Variants in GABRB3 observed in about 807,000 individuals in gnomAD.
The protein encoded by GABRB3 is gamma-aminobutyric acid type A receptor subunit beta3.
GABRB3 carries 14 observed loss-of-function variants against 52.1 expected under a neutral mutation model. The observed-to-expected ratio is 0.27, with a 90% CI of 0.18 to 0.42. GABRB3 has a LOEUF of 0.42. Among genes scored for constraint, GABRB3 ranks in the 10% least tolerant of loss-of-function variants. The pLI is 1.00. For missense variants in GABRB3, 307 were observed against 609.1 expected (o/e 0.50, Z 5.22); for synonymous variants, 260 against 232.3 (o/e 1.12, Z -1.08).
intron 8 of GABRB3, among the ~76,000 whole-genome samples, chr15:26,557,273 T>A (rs895779396): frequency 6.6e-6 from 1 of 152,046 alleles, no homozygotes; most frequent in East Asian, 1.9e-4. Context: ...AGGGACCCCT[T>A]GAGTGTGAAG....
rs114227170 is a variant in GABRB3 at position 26,644,178 on chromosome 15, G to T, written c.241-22644C>A. On this transcript the variant is annotated intron_variant, in intron 3 of 8. Transcript: ENST00000311550. ...ACAGATTTTTGGTTTTATTTGGAAA[G>T]CCTTGAGAAGATACTGCACATTTTT... is the stretch of plus-strand genomic sequence containing the variant. 8.9e-3 allele frequency among the ~76,000 whole-genome samples: 1,362 copies of T among 152,294 alleles called. 26 individuals carry two copies. The highest frequency in any genetic ancestry group is 0.032 in the African/African-American group (1,313 of 41,556).
At chr15:26,609,083 T>TACACACAC (rs146501591) in intron 4 of GABRB3, among the ~76,000 whole-genome samples, 11 of 143,544 alleles carry the variant, frequency 7.7e-5, no homozygotes, top group African/African-American at 2.9e-4. Context: ...TTTTTAATGA[T>TACACACAC]ACACACACAC....
intron 3 of GABRB3, among the ~76,000 whole-genome samples, chr15:26,714,015 C>T (rs538684099): frequency 2.0e-5 from 3 of 152,226 alleles, no homozygotes; most frequent in East Asian, 1.9e-4. Context: ...GACTCTGACC[C>T]GGAAGGAAAC....
At chr15:26,628,980 T>G (rs747536305) in intron 3 of GABRB3, 1 of 1,536,152 alleles carries the variant, frequency 6.5e-7, no homozygotes, top group Non-Finnish European at 8.7e-7. Context: ...CTTTTACCTC[T>G]TCTGTCTGGT....
At chr15:26,665,960 TA>T (rs1402603523) in intron 3 of GABRB3, among the ~76,000 whole-genome samples, 2 of 152,178 alleles carry the variant, frequency 1.3e-5, no homozygotes, top group Non-Finnish European at 2.9e-5. Flanking sequence ...CAAGTAGGTT[TA>T]CAAGTATAAA....
At chr15:26,668,908 C>T (rs901614707) in intron 3 of GABRB3, among the ~76,000 whole-genome samples, 1 of 152,118 alleles carries the variant, frequency 6.6e-6, no homozygotes, top group African/African-American at 2.4e-5. Context: ...TGAACATATT[C>T]CCTGCAGGGT....
intron 4 of GABRB3, among the ~76,000 whole-genome samples, chr15:26,602,399 G>C (rs539401595): frequency 3.2e-4 from 49 of 152,202 alleles, no homozygotes; most frequent in African/African-American, 1.1e-3. Context: ...CTGCACTATA[G>C]AACAAAGATG....
chr15:26,614,542 T>C (rs1892188101), intron 4 of GABRB3: 1 of 152,132 alleles, frequency 6.6e-6, no homozygotes, highest in South Asian at 2.1e-4. Flanking sequence ...TGGTAAGAAA[T>C]TTATCAATAT....
chr15:26,634,090 GCTT>G (rs1223320225), intron 3 of GABRB3, among the ~76,000 whole-genome samples: 1 of 152,084 alleles, frequency 6.6e-6, no homozygotes, highest in Admixed American at 6.5e-5. Context: ...TGGAGAGGTT[GCTT>G]CTTCTCCCAA....
intron 3 of GABRB3, among the ~76,000 whole-genome samples, chr15:26,724,385 A>G (rs1889718373): frequency 6.6e-6 from 1 of 152,210 alleles, no homozygotes; most frequent in Admixed American, 6.5e-5. Flanking sequence ...ATGCAAGGTC[A>G]GAAATGCCTC....
intron 3 of GABRB3, chr15:26,625,499 T>C: frequency 1.0e-6 from 1 of 985,230 alleles, no homozygotes; most frequent in Non-Finnish European, 1.2e-6. Context: ...TTGCATGGGA[T>C]GGAGAGTCTG....
At chr15:26,568,157 C>T (rs1383785483) in intron 6 of GABRB3, among the ~76,000 whole-genome samples, 1 of 152,184 alleles carries the variant, frequency 6.6e-6, no homozygotes, top group Non-Finnish European at 1.5e-5. Context: ...GAGTTCAGCC[C>T]TGAATACAGA....
intron 3 of GABRB3, among the ~76,000 whole-genome samples, chr15:26,630,757 A>T (rs1172269102): frequency 6.6e-6 from 1 of 152,210 alleles, no homozygotes; most frequent in Non-Finnish European, 1.5e-5. Flanking sequence ...TCCACAGAAA[A>T]TACAATCTCT....
chr15:26,634,692 C>G (rs1263423312), intron 3 of GABRB3, among the ~76,000 whole-genome samples: 4 of 151,868 alleles, frequency 2.6e-5, no homozygotes, highest in Admixed American at 1.3e-4. Context: ...TATAAGGGAG[C>G]AGATGTTCCA....
At chr15:26,686,427 G>A (rs1888407898) in intron 3 of GABRB3, among the ~76,000 whole-genome samples, 2 of 152,176 alleles carry the variant, frequency 1.3e-5, no homozygotes, top group Non-Finnish European at 2.9e-5. Context: ...CCCTCACAAA[G>A]TGATACTGAT....
intron 5 of GABRB3, chr15:26,581,211 C>T (rs2140732446): frequency 6.5e-6 from 1 of 154,034 alleles, no homozygotes; most frequent in Non-Finnish European, 1.4e-5. Flanking sequence ...CAGGAGTCTC[C>T]TAAAACATTA....
At chr15:26,756,405 T>TA (rs559330345) in intron 3 of GABRB3, among the ~76,000 whole-genome samples, 29,944 of 134,392 alleles carry the variant, frequency 0.22, 3,359 homozygotes, top group Admixed American at 0.34. Flanking sequence ...CCCTCTCTAC[T>TA]AAAAAAAAAA....
intron 6 of GABRB3, among the ~76,000 whole-genome samples, chr15:26,578,695 T>C (rs1567124477): frequency 6.6e-6 from 1 of 152,314 alleles, no homozygotes; most frequent in East Asian, 1.9e-4. Context: ...TCATGGCCAT[T>C]TCTGCAACTT....
chr15:26,766,824 T>C (rs1429116231), intron 3 of GABRB3, among the ~76,000 whole-genome samples: 1 of 152,102 alleles, frequency 6.6e-6, no homozygotes, highest in East Asian at 1.9e-4. Flanking sequence ...CATAAGATCC[T>C]AGAGCCCAGC....
Sources: allele counts gnomAD v4.1 joint callset (sites outside exome capture counted in the v4.1 genomes callset), GRCh38; gene constraint gnomAD v4.1.1; transcripts MANE v1.5; gene names NCBI Gene and HGNC (gene_info 2026-07-23, HGNC 2026-07-21).